Variants in CPVL observed in about 807,000 individuals in gnomAD.
CPVL encodes carboxypeptidase vitellogenic like, also known as probable serine carboxypeptidase CPVL.
CPVL carries 51 observed loss-of-function variants against 63.7 expected under a neutral mutation model. The ratio of observed to expected loss-of-function variants is 0.80; its 90% confidence interval spans 0.64 to 1.01. The LOEUF is 1.01. Ranked by LOEUF, CPVL falls within the 50% of genes least tolerant of loss-of-function variation. The probability of loss-of-function intolerance (pLI) is 0.00; values close to 1 mark genes in which losing one functional copy is unlikely to be tolerated. For missense variants in CPVL, 530 were observed against 573.1 expected (o/e 0.92, Z 0.77); for synonymous variants, 195 against 206.0 (o/e 0.95, Z 0.46).
At chr7:29,095,059 G>A in intron 5 of CPVL, 25 bp downstream of exon 5, 3 of 1,591,070 alleles carry the variant, frequency 1.9e-6, no homozygotes, top group Non-Finnish European at 2.6e-6. Context: ...AGCACTGACA[G>A]CTCACAGGGT....
chr7:29,103,087 C>T (rs1429831814), intron 3 of CPVL, among the ~76,000 whole-genome samples: 2 of 150,816 alleles, frequency 1.3e-5, no homozygotes, highest in Non-Finnish European at 2.9e-5. Flanking sequence ...CCCTTATCCC[C>T]CAGGCCCTCC....
intron 5 of CPVL, among the ~76,000 whole-genome samples, chr7:29,161,902 G>A (rs1795225178): frequency 2.6e-5 from 4 of 152,254 alleles, no homozygotes; most frequent in Admixed American, 1.3e-4. Flanking sequence ...TAGACAGTTG[G>A]CAAATAAGCA....
In CPVL at chr7:29,004,329, C is replaced by T. The variant is rs567211028; in HGVS notation, c.1321-8447G>A. Among the ~76,000 whole-genome samples, 28 of 152,236 alleles carry T rather than the reference C, an allele frequency of 1.8e-4. No individual in the cohort carries two copies. In the South Asian group the frequency reaches 4.4e-3, roughly 24 times the overall value. On this transcript the variant is annotated intron_variant, in intron 12 of 12. Coordinates refer to ENST00000265394, the MANE Select transcript of CPVL (RefSeq NM_031311.5). ...TCCTTTTAGAGAGATACAGAATGAA[C>T]ACCTGAGAGGTGAAGACCTTTCACT...
chr7:29,158,733 T>G (rs1794772013), intron 5 of CPVL, among the ~76,000 whole-genome samples: 1 of 152,226 alleles, frequency 6.6e-6, no homozygotes, highest in Non-Finnish European at 1.5e-5. Flanking sequence ...GAGATTTTGC[T>G]TGTTCTTTTT....
intron 11 of CPVL, among the ~76,000 whole-genome samples, chr7:29,047,440 C>T (rs1789735206): frequency 6.6e-6 from 1 of 152,040 alleles, no homozygotes; most frequent in East Asian, 1.9e-4. Flanking sequence ...AAAAGAAATT[C>T]AGAGCTTGAT....
rs1307417246 is a variant in CPVL at position 29,037,570 on chromosome 7, AAAG to A, written c.1138-6814_1138-6812del. On this transcript the variant is annotated intron_variant, in intron 11 of 12. Transcript: ENST00000265394. Reference sequence around the variant, plus strand: ...TCCATCTCAAAAAAAAAAAAAAAAAAAAGAAAAGAAAAGAAAAGCACATATGAA... The same window carrying A: ...TCCATCTCAAAAAAAAAAAAAAAAAAAAAAGAAAAGAAAAGCACATATGAA... 7.3e-3 allele frequency among the ~76,000 whole-genome samples: 1,017 copies of A among 138,548 alleles called. 31 individuals carry two copies. The highest frequency in any genetic ancestry group is 0.026 in the African/African-American group (878 of 34,190). 90.9% of individuals were successfully genotyped at this position (138,548 alleles called of 152,430 possible). A position where few individuals can be genotyped will look rare whatever the true frequency, so the allele number is the denominator to read the frequency against.
chr7:29,113,990 A>C (rs1316822961), intron 2 of CPVL, among the ~76,000 whole-genome samples: 1 of 152,224 alleles, frequency 6.6e-6, no homozygotes, highest in East Asian at 1.9e-4. Flanking sequence ...CTAGTAGGTC[A>C]GGAAGCTTGA....
chr7:29,119,704 A>C (rs1173557138), intron 2 of CPVL, among the ~76,000 whole-genome samples: 1 of 152,266 alleles, frequency 6.6e-6, no homozygotes, highest in Non-Finnish European at 1.5e-5. Context: ...CATCTCTGTA[A>C]GTTGGGTAAG....
At chr7:29,171,405 C>T (rs753563568) in intron 5 of CPVL, among the ~76,000 whole-genome samples, 2 of 152,170 alleles carry the variant, frequency 1.3e-5, no homozygotes, top group African/African-American at 2.4e-5. Context: ...ACGGCATTAG[C>T]CAGTTCAGAG....
chr7:29,157,483 T>C (rs1012072880), intron 5 of CPVL, among the ~76,000 whole-genome samples: 1 of 152,212 alleles, frequency 6.6e-6, no homozygotes, highest in Non-Finnish European at 1.5e-5. Flanking sequence ...CACAGTGGCT[T>C]ATTCACAGTC....
At chr7:29,065,095 A>G (rs1783019373) in intron 10 of CPVL, among the ~76,000 whole-genome samples, 1 of 144,040 alleles carries the variant, frequency 6.9e-6, no homozygotes, top group Non-Finnish European at 1.5e-5. Context: ...AATAATCATT[A>G]TACTGAAAGA....
At chr7:29,160,347 G>C (rs1286696865) in intron 5 of CPVL, among the ~76,000 whole-genome samples, 1 of 152,100 alleles carries the variant, frequency 6.6e-6, no homozygotes, top group Non-Finnish European at 1.5e-5. Flanking sequence ...CAATTTTCCT[G>C]TTCCTGTATG....
chr7:29,026,515 T>A (rs1787506799), intron 12 of CPVL, among the ~76,000 whole-genome samples: 1 of 150,338 alleles, frequency 6.7e-6, no homozygotes, highest in Non-Finnish European at 1.5e-5. Context: ...GAATAGAAAC[T>A]AAAAAGAAAT....
intron 1 of CPVL, among the ~76,000 whole-genome samples, chr7:29,190,586 C>T (rs1021289650): frequency 1.1e-4 from 17 of 152,068 alleles, no homozygotes; most frequent in African/African-American, 3.1e-4. Flanking sequence ...TTGTAACAGC[C>T]GGTGAAGGAG....
intron 8 of CPVL, 122 bp downstream of exon 8, chr7:29,072,179 T>C: frequency 8.7e-7 from 1 of 1,147,630 alleles, no homozygotes; most frequent in Admixed American, 2.4e-5. Context: ...GAGATTTAAG[T>C]CATAAAGTCA....
chr7:29,015,706 G>A (rs1786339974), intron 12 of CPVL, among the ~76,000 whole-genome samples: 1 of 152,100 alleles, frequency 6.6e-6, no homozygotes, highest in African/African-American at 2.4e-5. Context: ...AATACAGCGG[G>A]GCATGTAGCC....
At chr7:29,128,771 G>A (rs552438660) in intron 1 of CPVL, among the ~76,000 whole-genome samples, 1 of 151,954 alleles carries the variant, frequency 6.6e-6, no homozygotes, top group East Asian at 1.9e-4. Context: ...TCTGCCAGAT[G>A]GGGTGCAAGT....
At chr7:29,017,224 C>T (rs1020858882) in intron 12 of CPVL, among the ~76,000 whole-genome samples, 1 of 152,224 alleles carries the variant, frequency 6.6e-6, no homozygotes, top group African/African-American at 2.4e-5. Flanking sequence ...TCTCTCTGCT[C>T]ATTTTGGCCA....
At chr7:29,044,430 TAAAA>T (rs1213880872) in intron 11 of CPVL, among the ~76,000 whole-genome samples, 1 of 151,966 alleles carries the variant, frequency 6.6e-6, no homozygotes, top group Non-Finnish European at 1.5e-5. Context: ...AAAATAATAA[TAAAA>T]AGAGTCAGCA....
Sources: gnomAD v4.1 joint callset for allele counts (sites outside exome capture counted in the v4.1 genomes callset) on GRCh38, gnomAD v4.1.1 for gene constraint, MANE v1.5 for transcripts, NCBI Gene and HGNC (gene_info 2026-07-23, HGNC 2026-07-21) for gene names.